The following MAK16 variants were observed in gnomAD, a reference collection of about 807,000 sequenced individuals.
MAK16 encodes MAK16 homolog.
Under a neutral mutation model 49.9 loss-of-function variants are expected in MAK16, and 12 were observed. That is an observed-to-expected ratio of 0.24 (90% CI 0.15 to 0.39). MAK16 has a LOEUF of 0.39. Ranked by LOEUF, MAK16 falls within the 10% of genes least tolerant of loss-of-function variation. The pLI, the probability that MAK16 is intolerant of heterozygous loss-of-function variation, is 1.00. For synonymous variants in MAK16, 115 were observed against 126.4 expected (o/e 0.91, Z 0.60); for missense variants, 292 against 363.7 (o/e 0.80, Z 1.60).
intron 7 of MAK16, 66 bp from the exon 8 acceptor site, chr8:33,496,559 A>T: frequency 8.3e-7 from 1 of 1,209,444 alleles, no homozygotes; most frequent in Non-Finnish European, 1.2e-6. Flanking sequence ...TATTCTCCAC[A>T]GAAAGTGGAA....
chr8:33,495,506 G>A (rs764581204), intron 6 of MAK16, 36 bp from the exon 7 acceptor site: 4 of 1,559,946 alleles, frequency 2.6e-6, no homozygotes, highest in Non-Finnish European at 3.5e-6. Flanking sequence ...AATGAGCACT[G>A]ATGAATTAAA....
Position 33,499,307 on chromosome 8 carries a change from A to AT in MAK16, c.*691dup, listed in dbSNP as rs368990473. On this transcript the variant is annotated 3_prime_UTR_variant, in exon 10 of 10. Transcript: ENST00000360128. ...AACATGAAACCAAACAGGCTTTGAT[A>AT]TTTTTTTTTTTTTAATTACTTTCCC... 0.024 allele frequency: 28,468 copies of AT among 1,180,208 alleles called. 1 individual carries two copies. The highest frequency in any genetic ancestry group is 0.028 in the Non-Finnish European group (23,612 of 836,650). The allele number at this position is 1,180,208 out of a possible 1,614,324, so 73.1% of individuals were successfully genotyped here.
At chr8:33,494,447 C>T in intron 6 of MAK16, among the ~76,000 whole-genome samples, 1 of 152,182 alleles carries the variant, frequency 6.6e-6, no homozygotes, top group East Asian at 1.9e-4. Flanking sequence ...CTATCTTTGG[C>T]AGAATATTCA....
At chr8:33,492,161 C>CA (rs1316205898) in intron 6 of MAK16, among the ~76,000 whole-genome samples, 1 of 152,082 alleles carries the variant, frequency 6.6e-6, no homozygotes, top group African/African-American at 2.4e-5. Context: ...AGGTGTGCAC[C>CA]ACCATGCCTG....
At chr8:33,497,599 TCTC>T (rs1481794304) in intron 9 of MAK16, among the ~76,000 whole-genome samples, 1 of 151,828 alleles carries the variant, frequency 6.6e-6, no homozygotes, top group Non-Finnish European at 1.5e-5. Context: ...TTCAAGCGAT[TCTC>T]CTCCTTCAGC....
At chr8:33,497,877 CAT>C (rs1808902092) in intron 9 of MAK16, among the ~76,000 whole-genome samples, 1 of 151,150 alleles carries the variant, frequency 6.6e-6, no homozygotes, top group African/African-American at 2.4e-5. Context: ...GGGCGGATCA[CAT>C]GAGGTCAGGA....
intron 5 of MAK16, 139 bp from the exon 6 acceptor site, chr8:33,490,146 G>A (rs950217378): frequency 1.6e-6 from 1 of 639,694 alleles, no homozygotes; most frequent in African/African-American, 1.8e-5. Context: ...CTCCGTGAAT[G>A]CCTGAAGCTC....
At chr8:33,497,139 G>A in intron 8 of MAK16, 93 bp from the exon 9 acceptor site, 2 of 931,362 alleles carry the variant, frequency 2.1e-6, no homozygotes, top group Non-Finnish European at 3.4e-6. Context: ...TGAAAAGACT[G>A]TGGTTCTCAT....
chr8:33,486,424 C>T (rs1177938418), intron 1 of MAK16, among the ~76,000 whole-genome samples: 1 of 152,070 alleles, frequency 6.6e-6, no homozygotes, highest in Non-Finnish European at 1.5e-5. Flanking sequence ...CGGTGGTGTT[C>T]GCCTGAGGTC....
In MAK16 at chr8:33,500,477, G is replaced by A; in HGVS notation, c.*1848G>A. On this transcript the variant is annotated 3_prime_UTR_variant, in exon 10 of 10. Coordinates refer to ENST00000360128, the MANE Select transcript of MAK16 (RefSeq NM_032509.4). ...AAGAGGGCCTTCAGTAAGACCACAA[G>A]TCTGCAGGAAACTCTGGAATCAGGA... 1.9e-6 allele frequency: 3 copies of A among 1,614,082 alleles called. No homozygotes were observed. The South Asian group carries it at 3.3e-5, about 18-fold the overall frequency.
intron 1 of MAK16, among the ~76,000 whole-genome samples, chr8:33,486,305 C>T (rs187914078): frequency 7.9e-5 from 12 of 152,252 alleles, no homozygotes; most frequent in East Asian, 7.7e-4. Flanking sequence ...GTAATCCCAA[C>T]GCTTTGGGAG....
At chr8:33,487,965 G>C (rs1490161088) in intron 1 of MAK16, among the ~76,000 whole-genome samples, 11 of 151,988 alleles carry the variant, frequency 7.2e-5, no homozygotes, top group Admixed American at 7.2e-4. Flanking sequence ...TTTCACTCTT[G>C]TTGTCCAGGC....
chr8:33,487,529 G>A (rs1011367534), intron 1 of MAK16, among the ~76,000 whole-genome samples: 2 of 151,646 alleles, frequency 1.3e-5, no homozygotes, highest in Non-Finnish European at 2.9e-5. Context: ...GGGTTCAAGC[G>A]ATTCTCCTGC....
chr8:33,496,535 T>C (rs553283468), intron 7 of MAK16, 90 bp from the exon 8 acceptor site: 39 of 935,512 alleles, frequency 4.2e-5, no homozygotes, highest in Non-Finnish European at 6.0e-5. Context: ...ATTTAATCAC[T>C]GAGGAAAAAG....
chr8:33,494,128 C>T (rs139620865), intron 6 of MAK16, among the ~76,000 whole-genome samples: 2,920 of 152,292 alleles, frequency 0.019, 73 homozygotes, highest in East Asian at 0.12. Context: ...GGCTGGAGTG[C>T]AGTGGCGCCA....
chr8:33,490,058 C>T (rs955235719), intron 5 of MAK16, among the ~76,000 whole-genome samples: 3 of 152,106 alleles, frequency 2.0e-5, no homozygotes, highest in South Asian at 2.1e-4. Flanking sequence ...TTTCTAGAAG[C>T]GTTTAGTGTA....
At chr8:33,490,173 A>AG (rs1808754885) in intron 5 of MAK16, 112 bp from the exon 6 acceptor site, 2 of 811,098 alleles carry the variant, frequency 2.5e-6, no homozygotes, top group Non-Finnish European at 4.0e-6. Context: ...CCTGCCCTGC[A>AG]CATGAGTAGA....
chr8:33,495,439 T>C, intron 6 of MAK16, 103 bp from the exon 7 acceptor site: 1 of 946,892 alleles, frequency 1.1e-6, no homozygotes, highest in Non-Finnish European at 1.6e-6. Context: ...GGGGAAATAA[T>C]TACATTGTCT....
At chr8:33,495,015 C>A (rs975821924) in intron 6 of MAK16, among the ~76,000 whole-genome samples, 3 of 152,170 alleles carry the variant, frequency 2.0e-5, no homozygotes, top group African/African-American at 7.2e-5. Context: ...CACTTTAAAA[C>A]CCTCTATGAC....
Sources: allele counts gnomAD v4.1 joint callset (sites outside exome capture counted in the v4.1 genomes callset), GRCh38; gene constraint gnomAD v4.1.1; transcripts MANE v1.5; gene names NCBI Gene and HGNC (gene_info 2026-07-23, HGNC 2026-07-21).